Variants in SLC39A10 observed in about 807,000 individuals in gnomAD.
SLC39A10 encodes the protein solute carrier family 39 member 10.
In SLC39A10, 13 loss-of-function variants were observed where a neutral mutation model predicts 65.1. The ratio of observed to expected loss-of-function variants is 0.20; its 90% confidence interval spans 0.13 to 0.32. SLC39A10 has a LOEUF of 0.32. Ranked by LOEUF, SLC39A10 falls within the 10% of genes least tolerant of loss-of-function variation. The probability of loss-of-function intolerance (pLI) is 1.00; values close to 1 mark genes in which losing one functional copy is unlikely to be tolerated. For missense variants in SLC39A10, 831 were observed against 1,018.4 expected (o/e 0.82, Z 2.50); for synonymous variants, 321 against 342.2 (o/e 0.94, Z 0.68).
chr2:195,617,553 C>CA (rs1688243350), intron 2 of SLC39A10, among the ~76,000 whole-genome samples: 2 of 151,402 alleles, frequency 1.3e-5, no homozygotes, highest in African/African-American at 4.9e-5. Flanking sequence ...CAGAGAGAGA[C>CA]ACCGTCTCAA....
At chr2:195,660,947 T>G (rs1355899595) in intron 1 of SLC39A10, among the ~76,000 whole-genome samples, 1 of 152,184 alleles carries the variant, frequency 6.6e-6, no homozygotes, top group African/African-American at 2.4e-5. Flanking sequence ...TTCGAATTTA[T>G]TTTCTATGAC....
intron 3 of SLC39A10, among the ~76,000 whole-genome samples, chr2:195,688,770 A>C (rs987881586): frequency 6.6e-6 from 1 of 152,216 alleles, no homozygotes; most frequent in Admixed American, 6.5e-5. Flanking sequence ...TGTTACATGC[A>C]AAATAAATAA....
At chr2:195,622,650 G>C (rs977972223) in intron 2 of SLC39A10, among the ~76,000 whole-genome samples, 2 of 152,160 alleles carry the variant, frequency 1.3e-5, no homozygotes, top group Non-Finnish European at 2.9e-5. Context: ...AGAAATAGTG[G>C]TGAATGTGAT....
At chr2:195,679,974 T>A in intron 1 of SLC39A10, 58 bp from the exon 2 acceptor site, 9 of 1,381,294 alleles carry the variant, frequency 6.5e-6, no homozygotes, top group Non-Finnish European at 8.7e-6. Flanking sequence ...AGAATTAGAT[T>A]GTTTTGAATG....
chr2:195,656,893 A>G (rs948389464), upstream of SLC39A10: 6 of 152,280 alleles, frequency 3.9e-5, no homozygotes, highest in Non-Finnish European at 7.3e-5. Flanking sequence ...TGCGTTAAGA[A>G]GCCGCCCCAA....
At chr2:195,681,510 G>C (rs978973758) in intron 2 of SLC39A10, among the ~76,000 whole-genome samples, 5 of 152,080 alleles carry the variant, frequency 3.3e-5, no homozygotes, top group African/African-American at 1.2e-4. Flanking sequence ...GGGCGACAAA[G>C]TGAGTCTCCA....
chr2:195,659,220 T>G (rs114004711), intron 1 of SLC39A10, among the ~76,000 whole-genome samples: 5,522 of 152,290 alleles, frequency 0.036, 142 homozygotes, highest in Non-Finnish European at 0.058. Context: ...TGTGCAAGAA[T>G]GACTTTGGTG....
At chr2:195,640,831 A>T (rs1051578773) in intron 2 of SLC39A10, among the ~76,000 whole-genome samples, 6 of 152,218 alleles carry the variant, frequency 3.9e-5, no homozygotes, top group African/African-American at 1.4e-4. Context: ...GGGCAAAAAA[A>T]GCGAGAGAGA....
At chr2:195,717,652 T>G (rs1691869347) in intron 7 of SLC39A10, among the ~76,000 whole-genome samples, 1 of 152,066 alleles carries the variant, frequency 6.6e-6, no homozygotes, top group Non-Finnish European at 1.5e-5. Flanking sequence ...ACTCCAGGCC[T>G]CAAGCAACCC....
chr2:195,663,475 A>T (rs1333623214), intron 1 of SLC39A10, among the ~76,000 whole-genome samples: 1 of 151,842 alleles, frequency 6.6e-6, no homozygotes, highest in Non-Finnish European at 1.5e-5. Context: ...TTACTACATT[A>T]TAAAATGAGA....
chr2:195,719,646 C>T (rs1453496151), intron 8 of SLC39A10, among the ~76,000 whole-genome samples: 1 of 150,632 alleles, frequency 6.6e-6, no homozygotes, highest in Admixed American at 6.6e-5. Flanking sequence ...GAGACAGAGT[C>T]TTCCTCTGCT....
intron 8 of SLC39A10, among the ~76,000 whole-genome samples, chr2:195,725,663 G>A (rs1336310031): frequency 6.6e-6 from 1 of 152,186 alleles, no homozygotes; most frequent in African/African-American, 2.4e-5. Flanking sequence ...GTTTATGAAT[G>A]TGTGCAGTGG....
intron 2 of SLC39A10, among the ~76,000 whole-genome samples, chr2:195,624,385 C>T (rs1688416754): frequency 9.1e-6 from 1 of 109,378 alleles, no homozygotes; most frequent in African/African-American, 3.9e-5. Context: ...AAAACTCCGT[C>T]TCAAATAAGG....
intron 1 of SLC39A10, among the ~76,000 whole-genome samples, chr2:195,657,903 C>T (rs1689223015): frequency 6.6e-6 from 1 of 152,178 alleles, no homozygotes; most frequent in Non-Finnish European, 1.5e-5. Flanking sequence ...CTAGTTTTCT[C>T]CCGGACCAAC....
In SLC39A10 at chr2:195,669,074, G is replaced by GGA. The variant is rs1553499018; in HGVS notation, c.-11-10958_-11-10957insGA. On this transcript the variant is annotated intron_variant, in intron 1 of 9. Coordinates refer to ENST00000359634, the MANE Select transcript of SLC39A10 (RefSeq NM_020342.3). Reference sequence around the variant, plus strand: ...TGGGCAACAGGGTGACTCCCTCTCAGAAAAAAAAAAAAAAAAATTACTAAG... The same window carrying GGA: ...TGGGCAACAGGGTGACTCCCTCTCAGGAAAAAAAAAAAAAAAAAATTACTAAG... Among the ~76,000 whole-genome samples the GGA allele has an allele frequency of 5.2e-5, 7 of 135,044 alleles. No homozygotes were observed. In the East Asian group the frequency reaches 1.5e-3, roughly 30 times the overall value. 88.6% of individuals were successfully genotyped at this position (135,044 alleles called of 152,430 possible).
At chr2:195,694,929 C>A (rs1246887353) in intron 3 of SLC39A10, among the ~76,000 whole-genome samples, 1 of 152,156 alleles carries the variant, frequency 6.6e-6, no homozygotes, top group African/African-American at 2.4e-5. Flanking sequence ...AGGGTGAGCA[C>A]AGCAGGGTTT....
chr2:195,636,727 T>C (rs935348369), intron 2 of SLC39A10, among the ~76,000 whole-genome samples: 3 of 152,054 alleles, frequency 2.0e-5, no homozygotes, highest in African/African-American at 2.4e-5. Flanking sequence ...CACTCCAGCC[T>C]GGGCGACAGA....
In SLC39A10 at chr2:195,633,391, AAG is replaced by A. The variant is rs1338160758; in HGVS notation, c.-12+27161_-12+27162del. On this transcript the variant is annotated intron_variant, in intron 2 of 2. Coordinates refer to the SLC39A10 transcript ENST00000458054. Reference sequence around the variant, plus strand: ...CCATGTGGGACCCGAGGCAGCGTCTAAGAGGGAATACCGATGACCCCTGAAGC... The same window carrying A: ...CCATGTGGGACCCGAGGCAGCGTCTAAGGGAATACCGATGACCCCTGAAGC... 5.9e-5 allele frequency among the ~76,000 whole-genome samples: 9 copies of A among 152,356 alleles called. No individual in the cohort carries two copies. In the East Asian group the frequency reaches 1.7e-3, roughly 29 times the overall value.
intron 3 of SLC39A10, among the ~76,000 whole-genome samples, chr2:195,685,873 G>A (rs1321476894): frequency 6.6e-6 from 1 of 152,138 alleles, no homozygotes; most frequent in Admixed American, 6.5e-5. Context: ...TAGTCTATAA[G>A]CGTTCAGTTA....
Sources: allele counts gnomAD v4.1 joint callset (sites outside exome capture counted in the v4.1 genomes callset), GRCh38; gene constraint gnomAD v4.1.1; transcripts MANE v1.5; gene names NCBI Gene and HGNC (gene_info 2026-07-23, HGNC 2026-07-21).